EXPH5: variants seen among roughly 807,000 people sequenced by gnomAD.
EXPH5 encodes exophilin-5.
EXPH5 carries 42 observed loss-of-function variants against 41.1 expected under a neutral mutation model. That is an observed-to-expected ratio of 1.02 (90% CI 0.80 to 1.32). The LOEUF is 1.32. Ranked by LOEUF, EXPH5 falls within the 40% of genes most tolerant of loss-of-function variation. The probability of loss-of-function intolerance (pLI) is 0.00; values close to 1 mark genes in which losing one functional copy is unlikely to be tolerated. For missense variants in EXPH5, 2,298 were observed against 2,314.5 expected (o/e 0.99, Z 0.15); for synonymous variants, 798 against 833.5 (o/e 0.96, Z 0.73).
Position 108,593,461 on chromosome 11 carries a change from C to G in EXPH5, c.76G>C (p.Glu26Gln), listed in dbSNP as rs1434998110. Residue 26 changes from glutamate (E) to glutamine (Q), a missense_variant, in exon 1 of 6, where the codon GAA (glutamate) becomes CAA (glutamine). Physicochemically the swap from Glu to Gln is conservative, Grantham distance 29 (BLOSUM62 2). Transcript: ENST00000265843. ...EEARKILQVLERNEELQRAEK... is the reference protein window; with the variant it reads ...EEARKILQVLQRNEELQRAEK... The stretch of plus-strand genomic sequence containing the variant: ...GCCCTCTGTAACTCCTCATTCCTTT[C>G]CAGCACCTGAAGGATCTTCCTGGCC... 2.5e-6 allele frequency: 4 copies of G among 1,614,088 alleles called. No individual in the cohort carries two copies. In the African/African-American group the frequency reaches 5.3e-5, roughly 22 times the overall value.
At position 108,514,019 on chromosome 11, in the gene EXPH5, G is replaced by A; in HGVS notation, c.1488C>T (p.Ser496=). The part of the protein sequence containing the change: ...GHSFWSDFHR[S]RKSFSSSDRD... ...TGTCAGAAGAACTGAATGATTTCCT[G>A]CTTCGATGAAAGTCAGACCAGAAAG... The change falls in exon 6 of 6, where the codon AGC becomes AGT. Residue 496 remains serine, a synonymous_variant. Transcript: ENST00000265843. 6.2e-7 allele frequency: 1 copy of A among 1,613,896 alleles called. No homozygotes were observed. The highest frequency in any genetic ancestry group is 8.5e-7 in the Non-Finnish European group (1 of 1,179,942).
Position 108,513,051 on chromosome 11 carries a change from G to A in EXPH5, c.2456C>T (p.Pro819Leu), listed in dbSNP as rs556906855. Residue 819 changes from proline (P) to leucine (L), a missense_variant, in exon 6 of 6, where the codon CCA becomes CTA. Transcript: ENST00000265843. Reference protein sequence around the residue: ...SLPFIQEHRTPPSFPRTDQGC... With the variant: ...SLPFIQEHRTLPSFPRTDQGC... ...TTGGTCTGTCCTGGGGAAAGATGGT[G>A]GTGTTCTGTGTTCCTGAATGAAAGG... The A allele has an allele frequency of 5.8e-5, 94 of 1,613,530 alleles. 3 individuals are homozygous for A. The South Asian group carries it at 9.9e-4, about 17-fold the overall frequency.
intron 4 of EXPH5, among the ~76,000 whole-genome samples, chr11:108,526,576 C>T (rs183352854): frequency 6.6e-6 from 1 of 152,314 alleles, no homozygotes; most frequent in East Asian, 1.9e-4. Context: ...TCTGTCCTCT[C>T]AGAGGGCAAA....
At chr11:108,603,329 T>C in the EXPH5 span, among the ~76,000 whole-genome samples, 1 of 152,188 alleles carries the variant, frequency 6.6e-6, no homozygotes, top group Non-Finnish European at 1.5e-5. Context: ...TGCCATTGGA[T>C]TGTTCATTTT....
Position 108,512,878 on chromosome 11 carries a change from A to G in EXPH5, c.2629T>C (p.Leu877=). The G allele has an allele frequency of 6.2e-7, 1 of 1,614,116 alleles. No homozygotes were observed. Among genetic ancestry groups the G allele is most frequent in the Non-Finnish European group, 8.5e-7 (1 of 1,179,992 alleles). Reference sequence around the variant, plus strand: ...GGTAGTGCAGCTGATGACAGATCTAAAGAATCACACGAGGTCTTGTGGCCA... The same window carrying G: ...GGTAGTGCAGCTGATGACAGATCTAGAGAATCACACGAGGTCTTGTGGCCA... ...TPGHKTSCDS[L]DLSSAALPDS... is the part of the protein sequence containing the mutation. The change falls in exon 6 of 6, where the codon TTA becomes CTA. Residue 877 remains leucine (L), a synonymous_variant. Coordinates refer to ENST00000265843, the MANE Select transcript of EXPH5 (RefSeq NM_015065.3).
chr11:108,572,518 T>C (rs1167698486), intron 1 of EXPH5, among the ~76,000 whole-genome samples: 1 of 152,262 alleles, frequency 6.6e-6, no homozygotes, highest in Non-Finnish European at 1.5e-5. Context: ...TCTTATTTTG[T>C]TTGCTTTCTT....
At chr11:108,544,216 G>GTC (rs2093927287) in intron 1 of EXPH5, among the ~76,000 whole-genome samples, 1 of 151,992 alleles carries the variant, frequency 6.6e-6, no homozygotes, top group South Asian at 2.1e-4. Context: ...TAGAGACAAC[G>GTC]TCTCACTCTG....
At chr11:108,564,883 T>G (rs563149758) in intron 1 of EXPH5, among the ~76,000 whole-genome samples, 2 of 151,020 alleles carry the variant, frequency 1.3e-5, no homozygotes, top group Non-Finnish European at 2.9e-5. Context: ...TTATTTATTA[T>G]GTTTATTGGA....
intron 3 of EXPH5, among the ~76,000 whole-genome samples, chr11:108,532,414 T>C (rs2136000613): frequency 8.2e-6 from 1 of 122,552 alleles, no homozygotes; most frequent in Non-Finnish European, 1.6e-5. Context: ...GGGGTTTCAC[T>C]ACGTTGGCCA....
In EXPH5 at chr11:108,514,289, G is replaced by A. The variant is rs756647597; in HGVS notation, c.1218C>T (p.Pro406=). ...ATCTCTTATTCTCCTGAAAACCCCTGGGATACACATACTTGTCAGCGGGAT... is the reference window on the plus strand; with the variant it reads ...ATCTCTTATTCTCCTGAAAACCCCTAGGATACACATACTTGTCAGCGGGAT... ...EIDPADKYVY[P]RGFQENKRYE... The change falls in exon 6 of 6, where the codon CCC becomes CCT. Residue 406 remains proline, a synonymous_variant. Coordinates refer to ENST00000265843, the MANE Select transcript of EXPH5 (RefSeq NM_015065.3). 5 of 1,613,610 alleles carry A rather than the reference G, an allele frequency of 3.1e-6. No homozygotes were observed. The highest frequency in any genetic ancestry group is 1.7e-5 in the Admixed American group (1 of 59,972).
intron 1 of EXPH5, among the ~76,000 whole-genome samples, chr11:108,558,457 T>C (rs1483871876): frequency 6.6e-6 from 1 of 152,192 alleles, no homozygotes; most frequent in African/African-American, 2.4e-5. Context: ...TATTTAAGAA[T>C]GTGGTCAACA....
intron 2 of EXPH5, among the ~76,000 whole-genome samples, 171 bp from the exon 3 acceptor site, chr11:108,539,357 C>T (rs1277327875): frequency 6.6e-6 from 1 of 152,154 alleles, no homozygotes; most frequent in East Asian, 1.9e-4. Flanking sequence ...CAACCTCTCT[C>T]CTGCGCCTCT....
At chr11:108,567,326 T>G (rs535236218) in intron 1 of EXPH5, among the ~76,000 whole-genome samples, 7 of 152,380 alleles carry the variant, frequency 4.6e-5, no homozygotes, top group Middle Eastern at 3.4e-3. Context: ...AAATGTGTTA[T>G]GTAGAATTGG....
At chr11:108,555,796 G>T (rs1349815133) in intron 1 of EXPH5, among the ~76,000 whole-genome samples, 1 of 152,158 alleles carries the variant, frequency 6.6e-6, no homozygotes, top group South Asian at 2.1e-4. Flanking sequence ...TGTGAAAAAG[G>T]ATGTGTTTGC....
intron 5 of EXPH5, among the ~76,000 whole-genome samples, chr11:108,516,071 CAAAAA>C (rs35633613): frequency 1.2e-5 from 1 of 84,960 alleles, no homozygotes; most frequent in Admixed American, 1.2e-4. Flanking sequence ...GACTCCGTCT[CAAAAA>C]AAAAAAAAAA....
intron 1 of EXPH5, among the ~76,000 whole-genome samples, chr11:108,583,902 T>A (rs745981136): frequency 1.3e-5 from 2 of 152,076 alleles, no homozygotes; most frequent in Admixed American, 6.6e-5. Flanking sequence ...TGATTGGCCA[T>A]GTAGAAAATC....
intron 1 of EXPH5, among the ~76,000 whole-genome samples, chr11:108,588,463 C>T (rs1470945454): frequency 6.6e-6 from 1 of 152,180 alleles, no homozygotes; most frequent in African/African-American, 2.4e-5. Flanking sequence ...GGCAGCACAG[C>T]ACAGTGATTA....
chr11:108,534,038 TC>T (rs776664324), intron 3 of EXPH5, among the ~76,000 whole-genome samples: 2 of 152,132 alleles, frequency 1.3e-5, no homozygotes, highest in African/African-American at 2.4e-5. Context: ...CAAGTGAGTC[TC>T]CCGCCTCAGC....
intron 2 of EXPH5, among the ~76,000 whole-genome samples, chr11:108,540,118 C>T (rs1030104271): frequency 3.3e-5 from 5 of 151,974 alleles, no homozygotes; most frequent in Middle Eastern, 3.4e-3. Flanking sequence ...ATCAAGAGTT[C>T]GAGACCAGCC....
Sources: gnomAD v4.1 joint callset for allele counts (sites outside exome capture counted in the v4.1 genomes callset) on GRCh38, gnomAD v4.1.1 for gene constraint, MANE v1.5 for transcripts, NCBI Gene and HGNC (gene_info 2026-07-23, HGNC 2026-07-21) for gene names.